The following ERICH5 variants were observed in gnomAD, a reference collection of about 807,000 sequenced individuals.
ERICH5 encodes the protein glutamate rich 5.
A neutral mutation model predicts 28.0 loss-of-function variants in ERICH5; 24 were observed. That is an observed-to-expected ratio of 0.86 (90% CI 0.62 to 1.21). ERICH5 has a LOEUF of 1.21. ERICH5 is among the 50% of genes most tolerant of loss of function. The pLI is 0.00. For synonymous variants in ERICH5, 163 were observed against 157.6 expected (o/e 1.03, Z -0.25); for missense variants, 421 against 441.2 (o/e 0.95, Z 0.41).
At position 98,079,512 on chromosome 8, in the gene ERICH5, A is replaced by G. The variant is rs1001771695; in HGVS notation, c.59-9564A>G. The stretch of plus-strand genomic sequence containing the variant: ...AACACCAATCAAGTTTAGTTAAATC[A>G]TTGCTAACATTATAAGTACTTTTAT... On this transcript the variant is annotated intron_variant, in intron 1 of 2. Coordinates refer to ENST00000318528, the MANE Select transcript of ERICH5 (RefSeq NM_173549.3). 1.3e-5 allele frequency among the ~76,000 whole-genome samples: 2 copies of G among 152,064 alleles called. 1 individual carries two copies. Among genetic ancestry groups the G allele is most frequent in the Admixed American group, 1.3e-4 (2 of 15,260 alleles).
At chr8:98,073,662 C>T (rs6988458) in intron 1 of ERICH5, among the ~76,000 whole-genome samples, 13,681 of 147,262 alleles carry the variant, frequency 0.093, 903 homozygotes, top group Admixed American at 0.19. Flanking sequence ...CCTGCATCAC[C>T]GTCCGGAGTA....
chr8:98,091,820 TTTTC>T (rs1239378307), intron 2 of ERICH5, among the ~76,000 whole-genome samples: 12 of 150,922 alleles, frequency 8.0e-5, no homozygotes, highest in South Asian at 4.2e-4. Context: ...TAGACTTTCT[TTTTC>T]TTTCTTTTTC....
chr8:98,078,665 A>G (rs1815106745), intron 1 of ERICH5, among the ~76,000 whole-genome samples: 1 of 152,186 alleles, frequency 6.6e-6, no homozygotes, highest in Non-Finnish European at 1.5e-5. Flanking sequence ...TGTGCTTATC[A>G]CAACGGTGCT....
intron 1 of ERICH5, among the ~76,000 whole-genome samples, chr8:98,084,178 C>G (rs779495725): frequency 6.6e-6 from 1 of 151,838 alleles, no homozygotes; most frequent in Admixed American, 6.6e-5. Context: ...CATGCTGTGC[C>G]CGGCCTATCC....
chr8:98,073,438 ATATATATATATATATATATATG>A (rs1563753391), intron 1 of ERICH5, among the ~76,000 whole-genome samples: 394 of 19,544 alleles, frequency 0.02, 85 homozygotes, highest in Non-Finnish European at 0.026. Context: ...CTCTCTATAT[ATATATATATATATATATATATG>A]TATATATATA....
At chr8:98,084,023 G>A (rs934314531) in intron 1 of ERICH5, among the ~76,000 whole-genome samples, 6 of 151,222 alleles carry the variant, frequency 4.0e-5, no homozygotes, top group African/African-American at 1.5e-4. Context: ...TGGTATTACA[G>A]GTTCACACCA....
intron 1 of ERICH5, among the ~76,000 whole-genome samples, chr8:98,068,462 C>G (rs373874781): frequency 2.0e-5 from 3 of 152,148 alleles, no homozygotes; most frequent in East Asian, 3.8e-4. Flanking sequence ...AGGAAAGAGA[C>G]TTTTCATTCC....
intron 2 of ERICH5, among the ~76,000 whole-genome samples, chr8:98,091,900 C>CTTTCTTTCTTTCCTTTCTTTCTTT: frequency 2.3e-4 from 17 of 74,694 alleles, no homozygotes; most frequent in South Asian, 9.2e-4. Context: ...TTCTTTCTTT[C>CTTTCTTTCTTTCCTTTCTTTCTTT]CTTTCTTTCT....
At chr8:98,067,610 A>G (rs1318133028) in intron 1 of ERICH5, among the ~76,000 whole-genome samples, 1 of 151,860 alleles carries the variant, frequency 6.6e-6, no homozygotes, top group African/African-American at 2.4e-5. Flanking sequence ...AACAAATTAT[A>G]CTATGTATCT....
In ERICH5 at chr8:98,064,717, G is replaced by A; in HGVS notation, c.48G>A (p.Arg16=). The A allele has an allele frequency of 6.5e-7, 1 of 1,533,268 alleles. No homozygotes were observed. Among genetic ancestry groups the A allele is most frequent in the Non-Finnish European group, 8.7e-7 (1 of 1,143,160 alleles). The allele number at this position is 1,533,268 out of a possible 1,614,324, so 95.0% of individuals were successfully genotyped here. The change falls in exon 1 of 3, where the codon AGG becomes AGA. Residue 16 remains arginine, a synonymous_variant. Transcript: ENST00000318528. ...TCAACAAGGCCGGCGACAGCAGCAG[G>A]TTCCCCAGCGGTGAGCAGGGTACCG... is the stretch of plus-strand genomic sequence containing the variant. ...SALNKAGDSS[R]FPSVTSNEHF...
Position 98,067,366 on chromosome 8 carries a change from G to C in ERICH5, c.58+2639G>C, listed in dbSNP as rs527860937. 2.6e-5 allele frequency among the ~76,000 whole-genome samples: 4 copies of C among 152,078 alleles called. No individual in the cohort carries two copies. In the East Asian group the frequency reaches 7.7e-4, roughly 29 times the overall value. On this transcript the variant is annotated intron_variant, in intron 1 of 2. Transcript: ENST00000318528. The stretch of plus-strand genomic sequence containing the variant: ...CCAGCTACTCAGGAGGCTGAGGTGA[G>C]AGGATTGCTTGAGCCCAGGAGTTCA...
chr8:98,073,428 CTCTCTA>C lies in ERICH5; in HGVS notation c.58+8703_58+8708del, dbSNP rs1206530334. 7.1e-4 allele frequency among the ~76,000 whole-genome samples: 14 copies of C among 19,678 alleles called. 1 individual carries two copies. Among genetic ancestry groups the C allele is most frequent in the Non-Finnish European group, 1.1e-3 (13 of 12,196 alleles). The allele number at this position is 19,678 out of a possible 152,430, so 12.9% of individuals were successfully genotyped here. A position where few individuals can be genotyped will look rare whatever the true frequency, so the allele number is the denominator to read the frequency against. On this transcript the variant is annotated intron_variant, in intron 1 of 2. Transcript: ENST00000318528. ...CCTCTCTCTCTCTCTCTCTCTCTCT[CTCTCTA>C]TATATATATATATATATATATATAT...
In ERICH5 at chr8:98,089,949, C is replaced by T; in HGVS notation, c.932C>T (p.Pro311Leu). 1.9e-6 allele frequency: 3 copies of T among 1,614,180 alleles called. No individual in the cohort carries two copies. Among genetic ancestry groups the T allele is most frequent in the Non-Finnish European group, 2.5e-6 (3 of 1,180,046 alleles). Residue 311 changes from proline (P) to leucine (L), a missense_variant, in exon 2 of 3, where the codon CCA (proline) becomes CTA (leucine). By Grantham distance (98) the Pro-to-Leu change is moderately conservative. Transcript: ENST00000318528. ...GGAATAGTTGGAAGCATGGAGCATC[C>T]AGCACGAAATGTAGAGGCAGGAGCA... Reference protein sequence around the residue: ...PEGIVGSMEHPARNVEAGAYV... With the variant: ...PEGIVGSMEHLARNVEAGAYV...
chr8:98,089,787 T>G lies in ERICH5; in HGVS notation c.770T>G (p.Leu257Arg), dbSNP rs772888103. 3 of 1,614,102 alleles carry G rather than the reference T, an allele frequency of 1.9e-6. No individual in the cohort carries two copies. The highest frequency in any genetic ancestry group is 2.5e-6 in the Non-Finnish European group (3 of 1,180,008). ...TTGGGAAAAGAGGAGCAGCCCCAGC[T>G]TCTAGAAAGAATTCCCAAAGAGAAT... ...ATLGKEEQPQ[L>R]LERIPKENVT... The change falls in exon 2 of 3, where the codon CTT becomes CGT. Residue 257 changes from leucine (L) to arginine (R), a missense_variant. Transcript: ENST00000318528.
intron 1 of ERICH5, among the ~76,000 whole-genome samples, chr8:98,088,401 G>T (rs1586207062): frequency 6.6e-6 from 1 of 152,216 alleles, no homozygotes; most frequent in Non-Finnish European, 1.5e-5. Context: ...AGCTCATACA[G>T]TTGGAACAAT....
intron 1 of ERICH5, among the ~76,000 whole-genome samples, chr8:98,065,317 G>A (rs895743556): frequency 3.9e-5 from 6 of 152,230 alleles, no homozygotes; most frequent in Non-Finnish European, 7.3e-5. Context: ...GGAGAATCCA[G>A]AGGAGCATTC....
At chr8:98,088,966 G>C (rs1042936345) in intron 1 of ERICH5, 110 bp from the exon 2 acceptor site, 10 of 794,794 alleles carry the variant, frequency 1.3e-5, no homozygotes, top group Admixed American at 1.1e-4. Flanking sequence ...ATTTGGAACT[G>C]TCTTGAACTG....
intron 2 of ERICH5, among the ~76,000 whole-genome samples, chr8:98,092,684 C>T (rs971960248): frequency 6.6e-6 from 1 of 152,068 alleles, no homozygotes; most frequent in Non-Finnish European, 1.5e-5. Context: ...GCATTTCTTT[C>T]ATAAGAGTAT....
At chr8:98,090,257 C>G (rs1815360971) in intron 2 of ERICH5, among the ~76,000 whole-genome samples, 1 of 152,080 alleles carries the variant, frequency 6.6e-6, no homozygotes, top group Admixed American at 6.6e-5. Context: ...AAAATTTTAA[C>G]CTAGTGTTTA....
Sources: allele counts gnomAD v4.1 joint callset (sites outside exome capture counted in the v4.1 genomes callset), GRCh38; gene constraint gnomAD v4.1.1; transcripts MANE v1.5; gene names NCBI Gene and HGNC (gene_info 2026-07-23, HGNC 2026-07-21).